RNMT: variants seen among roughly 807,000 people sequenced by gnomAD.
RNMT encodes the protein RNA guanine-7 methyltransferase.
A neutral mutation model predicts 56.0 loss-of-function variants in RNMT; 27 were observed. The ratio of observed to expected loss-of-function variants is 0.48; its 90% CI spans 0.36 to 0.67. The LOEUF (loss-of-function observed/expected upper bound fraction) is 0.67, where lower values mean the gene tolerates loss of function less well. RNMT is among the 30% of genes least tolerant of loss of function. RNMT has a pLI of 0.00. For missense variants in RNMT, 519 were observed against 552.1 expected, an observed-to-expected ratio of 0.94 and a Z score of 0.60; for synonymous variants, 184 against 176.2, an observed-to-expected ratio of 1.04 and a Z score of -0.35.
At chr18:13,757,521 T>G (rs2044563618) in intron 11 of RNMT, among the ~76,000 whole-genome samples, 1 of 152,204 alleles carries the variant, frequency 6.6e-6, no homozygotes, top group African/African-American at 2.4e-5. Context: ...TATCTCAAGC[T>G]CATCCATAAG....
chr18:13,736,057 G>A (rs1044928416), intron 4 of RNMT, among the ~76,000 whole-genome samples: 5 of 152,070 alleles, frequency 3.3e-5, no homozygotes, highest in South Asian at 2.1e-4. Flanking sequence ...TTCCTCTCTC[G>A]TTAGTCTTAC....
Position 13,763,074 on chromosome 18 carries a change from A to G in RNMT, c.*3095A>G, listed in dbSNP as rs1351077829. 1 of 455,910 alleles carries G rather than the reference A, an allele frequency of 2.2e-6. No individual in the cohort carries two copies. The highest frequency in any genetic ancestry group is 4.4e-6 in the Non-Finnish European group (1 of 226,802). The allele number at this position is 455,910 out of a possible 1,614,324, so 28.2% of individuals were successfully genotyped here. Reference sequence around the variant, plus strand: ...CAAATCCAGGGACCAGGCCCTAATAATAGAAGTTGTACCAAAATGCCTGTG... The same window carrying G: ...CAAATCCAGGGACCAGGCCCTAATAGTAGAAGTTGTACCAAAATGCCTGTG... On this transcript the variant is annotated 3_prime_UTR_variant, in exon 12 of 12. Coordinates refer to ENST00000383314, the MANE Select transcript of RNMT (RefSeq NM_003799.3).
Position 13,731,922 on chromosome 18 carries a change from T to C in RNMT, c.405T>C (p.Pro135=). The C allele has an allele frequency of 6.3e-7, 1 of 1,590,384 alleles. No homozygotes were observed. Among genetic ancestry groups the C allele is most frequent in the Non-Finnish European group, 8.5e-7 (1 of 1,173,624 alleles). ...GAAAAATAGCACTTGAGGATGTTCCTGAAAAGCAGAAAGTATGTTCAGTGT... is the reference window on the plus strand; with the variant it reads ...GAAAAATAGCACTTGAGGATGTTCCCGAAAAGCAGAAAGTATGTTCAGTGT... ...NKRKIALEDV[P]EKQKNLEEGH... Residue 135 remains proline (P), a synonymous_variant, in exon 3 of 12, where the codon CCT becomes CCC. Transcript: ENST00000383314.
intron 8 of RNMT, among the ~76,000 whole-genome samples, chr18:13,745,832 G>C (rs1196397219): frequency 6.6e-6 from 1 of 152,130 alleles, no homozygotes; most frequent in Admixed American, 6.5e-5. Flanking sequence ...TATCTTGCCA[G>C]AGAAGTCGAG....
chr18:13,756,157 A>T (rs2044539303), intron 11 of RNMT, among the ~76,000 whole-genome samples: 1 of 152,192 alleles, frequency 6.6e-6, no homozygotes, highest in African/African-American at 2.4e-5. Flanking sequence ...CCTCTAGAAG[A>T]TGGCTTTAAA....
Position 13,761,938 on chromosome 18 carries a change from G to A in RNMT, c.*1959G>A. ...AACTGTTAGGAAGAGGACTAGAAAA[G>A]GCTTCCCCTGCCTATCCTCTCCGAT... On this transcript the variant is annotated 3_prime_UTR_variant, in exon 12 of 12. Coordinates refer to ENST00000383314, the MANE Select transcript of RNMT (RefSeq NM_003799.3). 8.4e-6 allele frequency: 11 copies of A among 1,306,044 alleles called. No individual in the cohort carries two copies. Among genetic ancestry groups the A allele is most frequent in the Admixed American group, 2.7e-5 (1 of 37,670 alleles). The allele number at this position is 1,306,044 out of a possible 1,614,324, so 80.9% of individuals were successfully genotyped here. A position where few individuals can be genotyped will look rare whatever the true frequency, so the allele number is the denominator to read the frequency against.
chr18:13,736,436 C>T lies in RNMT; in HGVS notation c.554-574C>T, dbSNP rs755192435. Among the ~76,000 whole-genome samples, 108 of 151,156 alleles carry T rather than the reference C, an allele frequency of 7.1e-4. 1 individual carries two copies. Among genetic ancestry groups the T allele is most frequent in the Middle Eastern group, 3.5e-3 (1 of 284 alleles). ...GATTTTATCTGTTGGCTGTTAATGT[C>T]ATTTAGTAGACTGGGGTCTACCAAA... On this transcript the variant is annotated intron_variant, in intron 4 of 11. Coordinates refer to ENST00000383314, the MANE Select transcript of RNMT (RefSeq NM_003799.3).
chr18:13,751,975 T>TG (rs1185409179), intron 9 of RNMT, among the ~76,000 whole-genome samples: 1 of 149,546 alleles, frequency 6.7e-6, no homozygotes, highest in Non-Finnish European at 1.5e-5. Flanking sequence ...TGTCATGGGG[T>TG]GGGGGCCTGG....
chr18:13,751,822 C>T (rs917853841), intron 9 of RNMT, among the ~76,000 whole-genome samples: 10 of 152,118 alleles, frequency 6.6e-5, no homozygotes, highest in Non-Finnish European at 1.2e-4. Flanking sequence ...TTTGTAGGGA[C>T]GTGGATGAAG....
chr18:13,739,618 T>C (rs1173370244), intron 5 of RNMT, among the ~76,000 whole-genome samples: 1 of 152,094 alleles, frequency 6.6e-6, no homozygotes. Context: ...CCCCATCCTC[T>C]ACCAAAAATA....
intron 11 of RNMT, 38 bp from the exon 12 acceptor site, chr18:13,759,904 C>A: frequency 6.6e-7 from 1 of 1,517,014 alleles, no homozygotes; most frequent in South Asian, 1.1e-5. Context: ...TTATTGTAAT[C>A]ATATGAGAAA....
chr18:13,745,138 T>C (rs2044330397), intron 8 of RNMT, among the ~76,000 whole-genome samples: 1 of 152,174 alleles, frequency 6.6e-6, no homozygotes, highest in Admixed American at 6.5e-5. Flanking sequence ...TCGGGGGCTG[T>C]CCCAAAATGA....
intron 11 of RNMT, among the ~76,000 whole-genome samples, chr18:13,758,870 T>C (rs1351015108): frequency 6.6e-6 from 1 of 152,152 alleles, no homozygotes; most frequent in Non-Finnish European, 1.5e-5. Flanking sequence ...CTTGAACATG[T>C]GGAGACCATT....
intron 9 of RNMT, 94 bp from the exon 10 acceptor site, chr18:13,752,232 T>A (rs2044461279): frequency 6.9e-6 from 5 of 727,492 alleles, no homozygotes; most frequent in Middle Eastern, 2.4e-4. Flanking sequence ...TTACGGATTA[T>A]TCTCCTAATT....
At chr18:13,727,218 C>T (rs1170944352) in intron 1 of RNMT, among the ~76,000 whole-genome samples, 1 of 152,202 alleles carries the variant, frequency 6.6e-6, no homozygotes, top group East Asian at 1.9e-4. Context: ...GGGCTTTATC[C>T]CGGCGGCCCT....
At chr18:13,749,859 A>C (rs750794086) in intron 9 of RNMT, among the ~76,000 whole-genome samples, 2 of 134,888 alleles carry the variant, frequency 1.5e-5, no homozygotes, top group Non-Finnish European at 3.1e-5. Flanking sequence ...AACCCGGCCT[A>C]AGTGATCCTT....
Position 13,753,772 on chromosome 18 carries a change from A to G in RNMT, c.1360-342A>G, listed in dbSNP as rs2044493675. Reference sequence around the variant, plus strand: ...GGCGACAGAGCAAGGCTCTGTCTCAAAAAAAGAAAAAAAAAATAATACAAG... The same window carrying G: ...GGCGACAGAGCAAGGCTCTGTCTCAGAAAAAGAAAAAAAAAATAATACAAG... On this transcript the variant is annotated intron_variant, in intron 10 of 11. Coordinates refer to ENST00000383314, the MANE Select transcript of RNMT (RefSeq NM_003799.3). 2.8e-5 allele frequency among the ~76,000 whole-genome samples: 3 copies of G among 105,670 alleles called. No homozygotes were observed. The South Asian group carries it at 1.0e-3, about 37-fold the overall frequency. 69.3% of individuals were successfully genotyped at this position (105,670 alleles called of 152,430 possible).
intron 11 of RNMT, 107 bp downstream of exon 11, chr18:13,754,254 C>G: frequency 1.5e-6 from 1 of 679,364 alleles, no homozygotes. Context: ...CACCAGTACT[C>G]TCAGTATTTT....
intron 4 of RNMT, among the ~76,000 whole-genome samples, chr18:13,736,644 AT>A (rs1366781896): frequency 1.3e-5 from 2 of 152,130 alleles, no homozygotes; most frequent in East Asian, 3.9e-4. Flanking sequence ...ACAAAAAAAA[AT>A]ATGAATAATT....
Sources: gnomAD v4.1 joint callset for allele counts (sites outside exome capture counted in the v4.1 genomes callset) on GRCh38, gnomAD v4.1.1 for gene constraint, MANE v1.5 for transcripts, NCBI Gene and HGNC (gene_info 2026-07-23, HGNC 2026-07-21) for gene names.